The following KPNA4 variants were observed in gnomAD, a reference collection of about 807,000 sequenced individuals.
The protein encoded by KPNA4 is karyopherin subunit alpha 4.
In KPNA4, 13 loss-of-function variants were observed where a neutral mutation model predicts 71.3. The ratio of observed to expected loss-of-function variants is 0.18; its 90% CI spans 0.12 to 0.29. The LOEUF is 0.29. Among genes scored for constraint, KPNA4 ranks in the 10% least tolerant of loss-of-function variants. The pLI is 1.00. For synonymous variants in KPNA4, 189 were observed against 195.2 expected, an observed-to-expected ratio of 0.97 and a Z score of 0.26; for missense variants, 334 against 603.2, an observed-to-expected ratio of 0.55 and a Z score of 4.67.
chr3:160,538,169 A>G (rs1241668628), intron 1 of KPNA4, among the ~76,000 whole-genome samples: 2 of 150,482 alleles, frequency 1.3e-5, no homozygotes, highest in Non-Finnish European at 3.0e-5. Flanking sequence ...ATATGTGTGT[A>G]TATATGTACA....
intron 11 of KPNA4, among the ~76,000 whole-genome samples, chr3:160,519,438 T>A (rs1439887428): frequency 6.6e-6 from 1 of 152,216 alleles, no homozygotes; most frequent in African/African-American, 2.4e-5. Context: ...AAAATCCAGA[T>A]ACTGACTGAA....
intron 1 of KPNA4, among the ~76,000 whole-genome samples, chr3:160,560,474 T>C (rs1287356437): frequency 6.6e-6 from 1 of 152,106 alleles, no homozygotes; most frequent in Non-Finnish European, 1.5e-5. Context: ...CATGCTCTTG[T>C]TTCATTCATC....
intron 1 of KPNA4, among the ~76,000 whole-genome samples, chr3:160,547,128 T>A (rs754746540): frequency 5.9e-5 from 9 of 152,218 alleles, no homozygotes; most frequent in Non-Finnish European, 1.3e-4. Flanking sequence ...AAAGTCCAAC[T>A]ATGAAATGTC....
chr3:160,517,213 A>G (rs1240184474), intron 11 of KPNA4, among the ~76,000 whole-genome samples: 3 of 152,102 alleles, frequency 2.0e-5, no homozygotes, highest in Admixed American at 1.3e-4. Context: ...AACAAAATCA[A>G]AATGTATTTG....
At chr3:160,541,647 G>GCACA (rs570443336) in intron 1 of KPNA4, among the ~76,000 whole-genome samples, 5,664 of 111,310 alleles carry the variant, frequency 0.051, 159 homozygotes, top group Middle Eastern at 0.11. Flanking sequence ...AGTTATATAC[G>GCACA]CGCACACACA....
chr3:160,558,267 A>C (rs1722178621), intron 1 of KPNA4, among the ~76,000 whole-genome samples: 2 of 152,206 alleles, frequency 1.3e-5, no homozygotes, highest in South Asian at 4.1e-4. Context: ...AAGGGGAATA[A>C]GAAGCCTTCC....
intron 12 of KPNA4, chr3:160,514,904 C>G (rs919166663): frequency 1.4e-5 from 7 of 512,038 alleles, no homozygotes; most frequent in African/African-American, 1.4e-4. Flanking sequence ...ATACTAGGCT[C>G]TTTTGGATCA....
intron 13 of KPNA4, among the ~76,000 whole-genome samples, chr3:160,511,773 T>A (rs1186903366): frequency 6.7e-6 from 1 of 150,250 alleles, no homozygotes; most frequent in Non-Finnish European, 1.5e-5. Flanking sequence ...AAATTAGGAG[T>A]TTTTTATGGT....
chr3:160,529,629 A>G (rs1030008599), intron 7 of KPNA4, among the ~76,000 whole-genome samples: 1 of 152,208 alleles, frequency 6.6e-6, no homozygotes, highest in Non-Finnish European at 1.5e-5. Context: ...GAGGATTTTA[A>G]AAGTATCTTC....
intron 1 of KPNA4, among the ~76,000 whole-genome samples, chr3:160,548,975 A>G (rs1248890263): frequency 6.6e-6 from 1 of 152,216 alleles, no homozygotes; most frequent in Non-Finnish European, 1.5e-5. Context: ...TTTTGATAGT[A>G]GTCATCTTAA....
intron 1 of KPNA4, among the ~76,000 whole-genome samples, chr3:160,558,800 G>C (rs1287569145): frequency 6.6e-6 from 1 of 152,104 alleles, no homozygotes; most frequent in Non-Finnish European, 1.5e-5. Flanking sequence ...TGCCATAGGG[G>C]TAAGACTGCT....
At chr3:160,551,554 T>A (rs1185179183) in intron 1 of KPNA4, among the ~76,000 whole-genome samples, 1 of 152,120 alleles carries the variant, frequency 6.6e-6, no homozygotes, top group African/African-American at 2.4e-5. Context: ...CAGAACTGAA[T>A]GTTAAATGTG....
chr3:160,519,565 C>T (rs927088845), intron 11 of KPNA4, among the ~76,000 whole-genome samples: 20 of 151,362 alleles, frequency 1.3e-4, no homozygotes, highest in Non-Finnish European at 2.5e-4. Context: ...GAGGCTGAGG[C>T]GGGTGGATCA....
intron 13 of KPNA4, among the ~76,000 whole-genome samples, chr3:160,511,388 A>C (rs1721091412): frequency 6.6e-6 from 1 of 152,234 alleles, no homozygotes; most frequent in Non-Finnish European, 1.5e-5. Context: ...TACAGGCGTG[A>C]GCCACTGCAC....
intron 1 of KPNA4, among the ~76,000 whole-genome samples, chr3:160,550,517 G>A (rs998546538): frequency 1.3e-5 from 2 of 152,128 alleles, no homozygotes; most frequent in Non-Finnish European, 2.9e-5. Flanking sequence ...CTCCCACTGA[G>A]GCCTCCTTCC....
At chr3:160,540,484 T>C (rs573353455) in intron 1 of KPNA4, among the ~76,000 whole-genome samples, 3 of 152,322 alleles carry the variant, frequency 2.0e-5, no homozygotes, top group South Asian at 2.1e-4. Context: ...CCCTTCATTA[T>C]AGAGCAAGGG....
intron 1 of KPNA4, among the ~76,000 whole-genome samples, chr3:160,562,563 T>C (rs1722268855): frequency 6.6e-6 from 1 of 152,176 alleles, no homozygotes; most frequent in African/African-American, 2.4e-5. Context: ...AAGTAACAAA[T>C]ACACAAAGTA....
chr3:160,532,773 T>TAA lies in KPNA4; in HGVS notation c.288-1217_288-1216insTT, dbSNP rs879647811. Reference sequence around the variant, plus strand: ...ATCAATGTAAACTCCTTGACCTAGCTTTAAACTACTTCACAAGTTGGCTCC... The same window carrying TAA: ...ATCAATGTAAACTCCTTGACCTAGCTAATTAAACTACTTCACAAGTTGGCTCC... On this transcript the variant is annotated intron_variant, in intron 5 of 16. Transcript: ENST00000334256. Among the ~76,000 whole-genome samples, 785 of 152,334 alleles carry TAA rather than the reference T, an allele frequency of 5.2e-3. 3 individuals are homozygous for TAA. Among genetic ancestry groups the TAA allele is most frequent in the Non-Finnish European group, 7.7e-3 (522 of 68,024 alleles).
At chr3:160,542,601 C>G (rs1721821478) in intron 1 of KPNA4, among the ~76,000 whole-genome samples, 1 of 152,088 alleles carries the variant, frequency 6.6e-6, no homozygotes, top group Non-Finnish European at 1.5e-5. Context: ...AAGTTTAGTT[C>G]AAATTTTCAA....
Sources: allele counts gnomAD v4.1 joint callset (sites outside exome capture counted in the v4.1 genomes callset), GRCh38; gene constraint gnomAD v4.1.1; transcripts MANE v1.5; gene names NCBI Gene and HGNC (gene_info 2026-07-23, HGNC 2026-07-21).